GRM1: variants seen among roughly 807,000 people sequenced by gnomAD.
GRM1 encodes the protein glutamate metabotropic receptor 1.
In GRM1, 33 loss-of-function variants were observed where a neutral mutation model predicts 90.9. That is an observed-to-expected ratio of 0.36 (90% CI 0.28 to 0.49). GRM1 has a LOEUF of 0.49. Among genes scored for constraint, GRM1 ranks in the 20% least tolerant of loss-of-function variants. GRM1 has a pLI of 0.99. For missense variants in GRM1, 1,190 were observed against 1,534.3 expected, an observed-to-expected ratio of 0.78 and a Z score of 3.75; for synonymous variants, 700 against 613.2, an observed-to-expected ratio of 1.14 and a Z score of -2.09.
chr6:146,075,688 G>T (rs1469143552), intron 1 of GRM1, among the ~76,000 whole-genome samples: 1 of 152,164 alleles, frequency 6.6e-6, no homozygotes, highest in Non-Finnish European at 1.5e-5. Context: ...CTGAAATAAA[G>T]GTGTCAGCAG....
chr6:146,077,569 G>A (rs769803104), intron 1 of GRM1, among the ~76,000 whole-genome samples: 1 of 152,140 alleles, frequency 6.6e-6, no homozygotes, highest in Non-Finnish European at 1.5e-5. Context: ...GATGTCAACA[G>A]ATTTCTGCTG....
At chr6:146,180,179 C>T (rs977759189) in intron 2 of GRM1, among the ~76,000 whole-genome samples, 2 of 130,332 alleles carry the variant, frequency 1.5e-5, no homozygotes, top group Non-Finnish European at 3.8e-5. Flanking sequence ...AAAAACTCTT[C>T]TTAAAAGATT....
intron 1 of GRM1, among the ~76,000 whole-genome samples, chr6:146,085,727 C>T (rs919894295): frequency 3.3e-5 from 5 of 152,070 alleles, no homozygotes; most frequent in Non-Finnish European, 5.9e-5. Context: ...CTGTTCTTTT[C>T]GATTATACAT....
At chr6:146,346,458 T>C (rs1449988535) in intron 3 of GRM1, among the ~76,000 whole-genome samples, 2 of 152,234 alleles carry the variant, frequency 1.3e-5, no homozygotes, top group African/African-American at 4.8e-5. Context: ...ATGGATTTGT[T>C]ATATTTTTCT....
chr6:146,375,337 A>C (rs1010557269), intron 5 of GRM1, among the ~76,000 whole-genome samples: 1 of 151,982 alleles, frequency 6.6e-6, no homozygotes, highest in African/African-American at 2.4e-5. Context: ...AAAGAGGAAG[A>C]GAGGAAGTGC....
At chr6:146,150,200 C>T (rs1777272071) in intron 1 of GRM1, among the ~76,000 whole-genome samples, 1 of 152,024 alleles carries the variant, frequency 6.6e-6, no homozygotes, top group East Asian at 1.9e-4. Flanking sequence ...TCCCCTCTCC[C>T]CAAAGAATAA....
chr6:146,165,981 C>T (rs1007500568), intron 2 of GRM1, among the ~76,000 whole-genome samples: 3 of 151,996 alleles, frequency 2.0e-5, no homozygotes, highest in Non-Finnish European at 4.4e-5. Context: ...CTTTACCTGC[C>T]TTTAGGGTAT....
chr6:146,096,702 G>T (rs533318653), intron 1 of GRM1, among the ~76,000 whole-genome samples: 1 of 152,112 alleles, frequency 6.6e-6, no homozygotes, highest in African/African-American at 2.4e-5. Context: ...TATTAGATGG[G>T]TGCTAATTCT....
At chr6:146,089,544 CT>C (rs1358423738) in intron 1 of GRM1, among the ~76,000 whole-genome samples, 2 of 152,060 alleles carry the variant, frequency 1.3e-5, no homozygotes, top group African/African-American at 4.8e-5. Flanking sequence ...AACTTCACCC[CT>C]ACCCAGATTT....
At chr6:146,301,453 A>G (rs2114916518) in intron 2 of GRM1, among the ~76,000 whole-genome samples, 1 of 152,324 alleles carries the variant, frequency 6.6e-6, no homozygotes, top group South Asian at 2.1e-4. Flanking sequence ...GCCTTTACAA[A>G]CTAAGCTGTC....
At chr6:146,427,188 A>AAAAGT (rs1417220222) in intron 7 of GRM1, among the ~76,000 whole-genome samples, 3 of 152,126 alleles carry the variant, frequency 2.0e-5, no homozygotes, top group Non-Finnish European at 4.4e-5. Flanking sequence ...GAGTCCCACA[A>AAAAGT]AAAGTACACT....
chr6:146,111,287 T>C, intron 1 of GRM1, among the ~76,000 whole-genome samples: 1 of 152,202 alleles, frequency 6.6e-6, no homozygotes, highest in East Asian at 1.9e-4. Flanking sequence ...TCCTGACTGT[T>C]ACCTACCAGC....
At chr6:146,177,775 G>A (rs915511310) in intron 2 of GRM1, among the ~76,000 whole-genome samples, 3 of 152,030 alleles carry the variant, frequency 2.0e-5, no homozygotes, top group Non-Finnish European at 4.4e-5. Context: ...CAAGAAAAAT[G>A]CCTGTGAAAG....
chr6:146,320,890 T>C (rs1784160698), intron 3 of GRM1, among the ~76,000 whole-genome samples: 1 of 152,134 alleles, frequency 6.6e-6, no homozygotes, highest in Non-Finnish European at 1.5e-5. Flanking sequence ...TAGCAGTCTA[T>C]CTATTTGGTT....
At chr6:146,295,620 T>C (rs1289875082) in intron 2 of GRM1, among the ~76,000 whole-genome samples, 1 of 152,182 alleles carries the variant, frequency 6.6e-6, no homozygotes, top group Non-Finnish European at 1.5e-5. Context: ...TTTAGAATAA[T>C]TGTCTTTTAA....
intron 2 of GRM1, among the ~76,000 whole-genome samples, chr6:146,210,773 C>A (rs1442381704): frequency 6.6e-6 from 1 of 152,120 alleles, no homozygotes; most frequent in Admixed American, 6.6e-5. Flanking sequence ...TGATAGTTCT[C>A]CAAAATAAGG....
At chr6:146,243,289 A>G (rs1301674339) in intron 2 of GRM1, among the ~76,000 whole-genome samples, 1 of 152,110 alleles carries the variant, frequency 6.6e-6, no homozygotes, top group Admixed American at 6.6e-5. Flanking sequence ...GTCTGTAGTC[A>G]GGACCTCAAG....
chr6:146,340,339 C>T (rs1784923444), intron 3 of GRM1: 1 of 152,202 alleles, frequency 6.6e-6, no homozygotes, highest in Non-Finnish European at 1.5e-5. Context: ...CTAGTCTCTG[C>T]AATGACTTTC....
At chr6:146,098,800 C>A (rs1776954451) in intron 1 of GRM1, among the ~76,000 whole-genome samples, 1 of 151,876 alleles carries the variant, frequency 6.6e-6, no homozygotes, top group Non-Finnish European at 1.5e-5. Flanking sequence ...GGCTTTTCCC[C>A]CTTTTTCTTG....
Sources: allele counts gnomAD v4.1 joint callset (sites outside exome capture counted in the v4.1 genomes callset), GRCh38; gene constraint gnomAD v4.1.1; transcripts MANE v1.5; gene names NCBI Gene and HGNC (gene_info 2026-07-23, HGNC 2026-07-21).